The following LRMDA variants were observed in gnomAD, a reference collection of about 807,000 sequenced individuals.
LRMDA encodes leucine-rich melanocyte differentiation-associated protein.
A neutral mutation model predicts 29.8 loss-of-function variants in LRMDA; 18 were observed. That is an observed-to-expected ratio of 0.60 (90% CI 0.42 to 0.90). The LOEUF (loss-of-function observed/expected upper bound fraction) is 0.90, where lower values mean the gene tolerates loss of function less well. LRMDA is among the 40% of genes least tolerant of loss of function. The pLI is 0.00. For synonymous variants in LRMDA, 125 were observed against 109.4 expected (o/e 1.14, Z -0.89); for missense variants, 273 against 273.9 (o/e 1.00, Z 0.02).
intron 5 of LRMDA, among the ~76,000 whole-genome samples, chr10:76,133,748 G>A (rs1002219358): frequency 1.3e-5 from 2 of 152,160 alleles, no homozygotes; most frequent in African/African-American, 4.8e-5. Context: ...AGCTGCCTGC[G>A]GCACTGAAGT....
At chr10:76,399,348 GT>G (rs1841823673) in intron 6 of LRMDA, among the ~76,000 whole-genome samples, 1 of 152,150 alleles carries the variant, frequency 6.6e-6, no homozygotes, top group African/African-American at 2.4e-5. Context: ...ACATACTAAA[GT>G]TTTTGTTTTG....
At chr10:75,757,436 T>C (rs1231581450) in intron 2 of LRMDA, among the ~76,000 whole-genome samples, 1 of 152,150 alleles carries the variant, frequency 6.6e-6, no homozygotes, top group Non-Finnish European at 1.5e-5. Context: ...TCTAGCTATA[T>C]GTCCAGGAGT....
Position 75,955,679 on chromosome 10 carries a change from T to C in LRMDA, c.132-80329T>C, listed in dbSNP as rs139426019. ...CCTCAAATTTTGTTTCTAGCACTAA[T>C]ATTTTGTTTTCAAAAAATGTGCTCA... On this transcript the variant is annotated intron_variant, in intron 2 of 6. Transcript: ENST00000611255. 1.2e-3 allele frequency among the ~76,000 whole-genome samples: 178 copies of C among 152,366 alleles called. 1 individual carries two copies. The highest frequency in any genetic ancestry group is 8.3e-4 in the South Asian group (4 of 4,830).
At chr10:75,756,142 T>A (rs1292417368) in intron 2 of LRMDA, among the ~76,000 whole-genome samples, 1 of 152,236 alleles carries the variant, frequency 6.6e-6, no homozygotes, top group Non-Finnish European at 1.5e-5. Flanking sequence ...GCTTACCATA[T>A]CCATTCTCTT....
At chr10:75,747,123 C>G (rs544405246) in intron 2 of LRMDA, among the ~76,000 whole-genome samples, 52 of 152,140 alleles carry the variant, frequency 3.4e-4, no homozygotes, top group African/African-American at 1.2e-3. Context: ...TTAGTTCATG[C>G]TAGTTTTTCA....
chr10:76,013,140 T>G (rs1186436544), intron 2 of LRMDA, among the ~76,000 whole-genome samples: 1 of 152,150 alleles, frequency 6.6e-6, no homozygotes, highest in Non-Finnish European at 1.5e-5. Context: ...GATCAAAGAT[T>G]GCTAGGCTCG....
At position 75,692,404 on chromosome 10, in the gene LRMDA, CAT is replaced by C. The variant is rs543935817; in HGVS notation, c.131+253914_131+253915del. Reference sequence around the variant, plus strand: ...TTGTGCCTACATATATATACACACACATATACACATATATGCATATATATATA... The same window carrying C: ...TTGTGCCTACATATATATACACACACATACACATATATGCATATATATATA... On this transcript the variant is annotated intron_variant, in intron 2 of 6. Transcript: ENST00000611255. Among the ~76,000 whole-genome samples the C allele has an allele frequency of 1.6e-3, 230 of 147,504 alleles. 1 individual carries two copies. The highest frequency in any genetic ancestry group is 5.4e-3 in the African/African-American group (213 of 39,784).
chr10:76,071,576 G>GTGTTTGCTT, intron 5 of LRMDA, among the ~76,000 whole-genome samples: 1 of 152,326 alleles, frequency 6.6e-6, no homozygotes, highest in Non-Finnish European at 1.5e-5. Context: ...AGGTAAAAAT[G>GTGTTTGCTT]AACAGGGCGA....
At chr10:76,371,659 G>T (rs1287603904) in intron 6 of LRMDA, among the ~76,000 whole-genome samples, 1 of 152,168 alleles carries the variant, frequency 6.6e-6, no homozygotes, top group Non-Finnish European at 1.5e-5. Flanking sequence ...TCAAGAGCTT[G>T]CTACAGGGGG....
Position 76,559,260 on chromosome 10 carries a change from C to CT in LRMDA, c.*1979dup, listed in dbSNP as rs1843596277. 6.6e-6 allele frequency: 1 copy of CT among 152,244 alleles called. No homozygotes were observed. The highest frequency in any genetic ancestry group is 3.4e-3 in the Middle Eastern group (1 of 294). The allele number at this position is 152,244 out of a possible 1,614,324, so 9.4% of individuals were successfully genotyped here. A position where few individuals can be genotyped will look rare whatever the true frequency, so the allele number is the denominator to read the frequency against. ...CATCTTTATTTTTCTTACTTGTTTACTTTTTTTAATGTCAGAACCATTTGT... is the reference window on the plus strand; with the variant it reads ...CATCTTTATTTTTCTTACTTGTTTACTTTTTTTTAATGTCAGAACCATTTGT... On this transcript the variant is annotated 3_prime_UTR_variant, in exon 7 of 7. Coordinates refer to ENST00000611255, the MANE Select transcript of LRMDA (RefSeq NM_001305581.2).
In LRMDA at chr10:75,431,664, C is replaced by CCCCGCTGCT; in HGVS notation, c.-60_-52dup. ...GCCCGCCGCGCTCCCCTGCCGCGCT[C>CCCCGCTGCT]CCCGCTGCTGCCGCCGCGCCCCCGC... On this transcript the variant is annotated 5_prime_UTR_variant, in exon 1 of 7. Transcript: ENST00000611255. The CCCCGCTGCT allele has an allele frequency of 8.0e-7, 1 of 1,242,306 alleles. No homozygotes were observed. Among genetic ancestry groups the CCCCGCTGCT allele is most frequent in the Non-Finnish European group, 1.0e-6 (1 of 997,458 alleles). The allele number at this position is 1,242,306 out of a possible 1,614,324, so 77.0% of individuals were successfully genotyped here. A position where few individuals can be genotyped will look rare whatever the true frequency, so the allele number is the denominator to read the frequency against.
At chr10:76,319,986 G>A (rs2758963) in intron 5 of LRMDA, among the ~76,000 whole-genome samples, 93,164 of 152,000 alleles carry the variant, frequency 0.61, 32,071 homozygotes, top group Non-Finnish European at 0.81. Flanking sequence ...GTCTGTATCA[G>A]GTTCTTTCAG....
chr10:76,182,802 C>A (rs1323146093), intron 5 of LRMDA, among the ~76,000 whole-genome samples: 1 of 152,180 alleles, frequency 6.6e-6, no homozygotes, highest in Non-Finnish European at 1.5e-5. Flanking sequence ...TTGCTACACA[C>A]ATTCTCAAGG....
chr10:75,957,449 C>A (rs1846682878), intron 2 of LRMDA, among the ~76,000 whole-genome samples: 1 of 152,178 alleles, frequency 6.6e-6, no homozygotes, highest in South Asian at 2.1e-4. Context: ...GTCAGTAGAA[C>A]TGCTGCTAGG....
chr10:75,508,382 C>CTGAGT (rs1218960936), intron 2 of LRMDA, among the ~76,000 whole-genome samples: 2 of 152,178 alleles, frequency 1.3e-5, no homozygotes, highest in Admixed American at 1.3e-4. Flanking sequence ...CTTGTCAGGT[C>CTGAGT]TGAGTTGACT....
chr10:76,169,585 A>G (rs1216331248), intron 5 of LRMDA, among the ~76,000 whole-genome samples: 1 of 152,100 alleles, frequency 6.6e-6, no homozygotes, highest in African/African-American at 2.4e-5. Context: ...AATTTTCTTT[A>G]GTGGTCATTA....
intron 6 of LRMDA, among the ~76,000 whole-genome samples, chr10:76,401,160 A>G (rs900939264): frequency 5.9e-5 from 9 of 152,128 alleles, no homozygotes; most frequent in Non-Finnish European, 1.2e-4. Flanking sequence ...CTTCCAATAT[A>G]ATGACTTAAT....
intron 2 of LRMDA, among the ~76,000 whole-genome samples, chr10:75,565,340 T>C (rs1840356570): frequency 6.6e-6 from 1 of 152,220 alleles, no homozygotes; most frequent in Admixed American, 6.5e-5. Flanking sequence ...ACTGCTTTCT[T>C]TCACTGGGGA....
chr10:76,511,615 GAAT>G lies in LRMDA; in HGVS notation c.602-45590_602-45588del, dbSNP rs1843009963. ...GAACTATCCAAAAATGAAATTAAGA[GAAT>G]AATTTCATTCACAATAGTATATAAA... On this transcript the variant is annotated intron_variant, in intron 6 of 6. Coordinates refer to ENST00000611255, the MANE Select transcript of LRMDA (RefSeq NM_001305581.2). Among the ~76,000 whole-genome samples the G allele has an allele frequency of 2.0e-5, 3 of 151,300 alleles. No individual in the cohort carries two copies. In the South Asian group the frequency reaches 6.2e-4, roughly 31 times the overall value.
Sources: allele counts gnomAD v4.1 joint callset (sites outside exome capture counted in the v4.1 genomes callset), GRCh38; gene constraint gnomAD v4.1.1; transcripts MANE v1.5; gene names NCBI Gene and HGNC (gene_info 2026-07-23, HGNC 2026-07-21).